The following IFT81 variants were observed in gnomAD, a reference collection of about 807,000 sequenced individuals.
IFT81 encodes intraflagellar transport protein 81 homolog.
In IFT81, 72 loss-of-function variants were observed where a neutral mutation model predicts 102.6. The observed-to-expected ratio is 0.70, with a 90% confidence interval of 0.58 to 0.85. The LOEUF (loss-of-function observed/expected upper bound fraction) is 0.85, where lower values mean the gene tolerates loss of function less well. IFT81 is among the 40% of genes least tolerant of loss of function. The pLI is 0.00. For missense variants in IFT81, 723 were observed against 787.3 expected (o/e 0.92, Z 0.98); for synonymous variants, 237 against 242.7 (o/e 0.98, Z 0.22).
At chr12:110,151,641 A>G (rs1471491829) in intron 10 of IFT81, among the ~76,000 whole-genome samples, 1 of 152,216 alleles carries the variant, frequency 6.6e-6, no homozygotes, top group Non-Finnish European at 1.5e-5. Context: ...AAACATATGC[A>G]TTACCTCACA....
chr12:110,204,385 A>C (rs12318836), intron 15 of IFT81: 34,094 of 155,086 alleles, frequency 0.22, 5,488 homozygotes, highest in African/African-American at 0.46. Flanking sequence ...CTTCATAGGG[A>C]AGCCTAAGAA....
At chr12:110,127,038 T>A (rs1893885245) in intron 1 of IFT81, among the ~76,000 whole-genome samples, 1 of 152,168 alleles carries the variant, frequency 6.6e-6, no homozygotes. Context: ...AATTCCTGGG[T>A]AGAAATTATG....
At chr12:110,183,411 G>A (rs1340125228) in intron 12 of IFT81, among the ~76,000 whole-genome samples, 2 of 152,196 alleles carry the variant, frequency 1.3e-5, no homozygotes, top group Middle Eastern at 3.2e-3. Flanking sequence ...CTCTGTTGCT[G>A]GCAGGTCAGA....
intron 10 of IFT81, among the ~76,000 whole-genome samples, chr12:110,158,359 G>C (rs1296671428): frequency 1.3e-5 from 2 of 152,104 alleles, no homozygotes; most frequent in Non-Finnish European, 2.9e-5. Context: ...AGGATTACAG[G>C]CATGAGCCAC....
intron 11 of IFT81, among the ~76,000 whole-genome samples, chr12:110,171,161 C>G (rs577954801): frequency 6.6e-6 from 1 of 152,256 alleles, no homozygotes; most frequent in South Asian, 2.1e-4. Flanking sequence ...AAAACAGAAT[C>G]AAATAAATTT....
rs554186194 is a variant in IFT81 at position 110,134,274 on chromosome 12, C to A, written c.520-674C>A. On this transcript the variant is annotated intron_variant, in intron 5 of 18. Coordinates refer to ENST00000242591, the MANE Select transcript of IFT81 (RefSeq NM_014055.4). ...GTGCTATCGGTAATGAGTAAGAGTGCCCATTTTTCCAAATTCTGTCAATAC... is the reference window on the plus strand; with the variant it reads ...GTGCTATCGGTAATGAGTAAGAGTGACCATTTTTCCAAATTCTGTCAATAC... Among the ~76,000 whole-genome samples the A allele has an allele frequency of 2.0e-5, 3 of 152,256 alleles. No homozygotes were observed. The East Asian group carries it at 5.8e-4, about 29-fold the overall frequency.
intron 14 of IFT81, among the ~76,000 whole-genome samples, chr12:110,201,603 A>T (rs1323887165): frequency 6.6e-6 from 1 of 150,828 alleles, no homozygotes; most frequent in East Asian, 2.0e-4. Context: ...GCTAATTTTT[A>T]TTTATTTATT....
chr12:110,157,121 A>G (rs1593311345), intron 10 of IFT81, among the ~76,000 whole-genome samples: 3 of 151,904 alleles, frequency 2.0e-5, no homozygotes, highest in African/African-American at 4.8e-5. Flanking sequence ...AGGCCGAGGC[A>G]GGCAGATCAT....
In IFT81 at chr12:110,135,403, A is replaced by G; in HGVS notation, c.662A>G (p.Tyr221Cys). Residue 221 changes from tyrosine (Y) to cysteine (C), a missense_variant, in exon 7 of 19, where the codon TAT becomes TGT. Physicochemically the swap from Tyr to Cys is radical, Grantham distance 194. Transcript: ENST00000242591. The stretch of plus-strand genomic sequence containing the variant: ...CGAGTTGAAAAAGAGAGAGAAGAAT[A>G]TCTTGCACAACAGAAACAGGAACAA... ...QLRVEKEREEYLAQQKQEQKN... is the reference protein window; with the variant it reads ...QLRVEKEREECLAQQKQEQKN... 6.2e-7 allele frequency: 1 copy of G among 1,611,606 alleles called. No individual in the cohort carries two copies. Among genetic ancestry groups the G allele is most frequent in the Non-Finnish European group, 8.5e-7 (1 of 1,178,280 alleles).
At chr12:110,214,190 C>T (rs1297808483) in intron 18 of IFT81, among the ~76,000 whole-genome samples, 1 of 150,886 alleles carries the variant, frequency 6.6e-6, no homozygotes. Flanking sequence ...ATATTTGAAT[C>T]AAATTATAAA....
In IFT81 at chr12:110,159,013, C is replaced by T. The variant is rs1036951472; in HGVS notation, c.1042-3906C>T. ...CTGGGATTACAAGTGTGAGCCACTG[C>T]GCCTGGCTGTGATTTTTTTGATTGA... is the stretch of plus-strand genomic sequence containing the variant. On this transcript the variant is annotated intron_variant, in intron 10 of 18. Transcript: ENST00000242591. Among the ~76,000 whole-genome samples the T allele has an allele frequency of 2.0e-5, 3 of 152,088 alleles. No homozygotes were observed. In the South Asian group the frequency reaches 6.2e-4, roughly 32 times the overall value.
At chr12:110,171,779 T>C (rs1855157853) in intron 11 of IFT81, 1 of 152,148 alleles carries the variant, frequency 6.6e-6, no homozygotes, top group Admixed American at 6.5e-5. Flanking sequence ...GAGCGTGACA[T>C]GATGGCCTTT....
intron 11 of IFT81, 70 bp downstream of exon 11, chr12:110,163,135 C>T: frequency 1.6e-6 from 2 of 1,248,784 alleles, no homozygotes; most frequent in Non-Finnish European, 2.2e-6. Flanking sequence ...GTGTGTTTGA[C>T]TTTCTTAGTG....
rs753990394 is a variant in IFT81, at chr12:110,145,028, AT to A, written c.945+1506del. ...TTACAGGCGCACACCACTATGCCTA[AT>A]TTTTTTTTTTTTTTTTTTTTTTACA... On this transcript the variant is annotated intron_variant, in intron 9 of 18. Transcript: ENST00000242591. Among the ~76,000 whole-genome samples, 754 of 111,016 alleles carry A rather than the reference AT, an allele frequency of 6.8e-3. 2 individuals carry two copies. The highest frequency in any genetic ancestry group is 8.1e-3 in the Admixed American group (76 of 9,426). The allele number at this position is 111,016 out of a possible 152,430, so 72.8% of individuals were successfully genotyped here. A position where few individuals can be genotyped will look rare whatever the true frequency, so the allele number is the denominator to read the frequency against.
Position 110,190,925 on chromosome 12 carries a change from T to C in IFT81, c.1344T>C (p.Thr448=). 1 of 1,548,702 alleles carries C rather than the reference T, an allele frequency of 6.5e-7. No homozygotes were observed. The highest frequency in any genetic ancestry group is 8.7e-7 in the Non-Finnish European group (1 of 1,152,366). ...RHENIQQQLQ[T]MEEKKGISGY... ...TTTTTATTTTTTACTTATAGCAAACTATGGAGGAGAAAAAGGGTATATCTG... is the reference window on the plus strand; with the variant it reads ...TTTTTATTTTTTACTTATAGCAAACCATGGAGGAGAAAAAGGGTATATCTG... Residue 448 remains threonine, a synonymous_variant, in exon 13 of 19, where the codon ACT becomes ACC. Transcript: ENST00000242591.
At position 110,136,828 on chromosome 12, in the gene IFT81, T is replaced by C. The variant is rs1468333349; in HGVS notation, c.749T>C (p.Met250Thr). 3.1e-6 allele frequency: 5 copies of C among 1,612,368 alleles called. No individual in the cohort carries two copies. In the East Asian group the frequency reaches 6.7e-5, roughly 22 times the overall value. The part of the protein sequence containing the change: ...LQRVQNQLKS[M>T]RQAAADAKPE... Reference sequence around the variant, plus strand: ...AGAGTACAAAACCAGCTGAAAAGCATGCGCCAAGCTGCAGCAGATGCAAAG... The same window carrying C: ...AGAGTACAAAACCAGCTGAAAAGCACGCGCCAAGCTGCAGCAGATGCAAAG... Residue 250 changes from methionine (M) to threonine (T), a missense_variant, in exon 8 of 19, where the codon ATG (methionine) becomes ACG (threonine). Physicochemically the swap from Met to Thr is moderately conservative, Grantham distance 81 (BLOSUM62 -1). Coordinates refer to ENST00000242591, the MANE Select transcript of IFT81 (RefSeq NM_014055.4).
chr12:110,148,181 C>A (rs1205380300), intron 10 of IFT81, among the ~76,000 whole-genome samples: 1 of 152,006 alleles, frequency 6.6e-6, no homozygotes, highest in Non-Finnish European at 1.5e-5. Flanking sequence ...TTCATTTTTC[C>A]CATGATATTT....
rs891196425 is a variant in IFT81 at position 110,152,749 on chromosome 12, C to T, written c.1041+5701C>T. Among the ~76,000 whole-genome samples, 4 of 151,930 alleles carry T rather than the reference C, an allele frequency of 2.6e-5. No homozygotes were observed. The South Asian group carries it at 8.3e-4, about 32-fold the overall frequency. On this transcript the variant is annotated intron_variant, in intron 10 of 18. Transcript: ENST00000242591. Reference sequence around the variant, plus strand: ...TCCCAAGTAGCTGAGACTACAGGTACCTGCCACTGCACCTGGCTAATTTTT... The same window carrying T: ...TCCCAAGTAGCTGAGACTACAGGTATCTGCCACTGCACCTGGCTAATTTTT...
chr12:110,173,009 C>T (rs1413044524), intron 11 of IFT81, among the ~76,000 whole-genome samples: 2 of 148,978 alleles, frequency 1.3e-5, no homozygotes, highest in Non-Finnish European at 3.0e-5. Flanking sequence ...GCCCCCCACC[C>T]GGCCAGCCGC....
Sources: allele counts gnomAD v4.1 joint callset (sites outside exome capture counted in the v4.1 genomes callset), GRCh38; gene constraint gnomAD v4.1.1; transcripts MANE v1.5; gene names NCBI Gene and HGNC (gene_info 2026-07-23, HGNC 2026-07-21).